Variants in MAMDC2 observed in about 807,000 individuals in gnomAD.
MAMDC2 encodes the protein MAM domain-containing protein 2.
A neutral mutation model predicts 89.8 loss-of-function variants in MAMDC2; 57 were observed. The ratio of observed to expected loss-of-function variants is 0.63; its 90% confidence interval spans 0.51 to 0.79. The LOEUF (loss-of-function observed/expected upper bound fraction) is 0.79, where lower values mean the gene tolerates loss of function less well. Ranked by LOEUF, MAMDC2 falls within the 30% of genes least tolerant of loss-of-function variation. The pLI, the probability that MAMDC2 is intolerant of heterozygous loss-of-function variation, is 0.00. For missense variants in MAMDC2, 800 were observed against 820.6 expected (o/e 0.97, Z 0.31); for synonymous variants, 313 against 293.4 (o/e 1.07, Z -0.68).
intron 2 of MAMDC2, among the ~76,000 whole-genome samples, chr9:70,087,807 G>A (rs1827804145): frequency 6.6e-6 from 1 of 152,110 alleles, no homozygotes; most frequent in Admixed American, 6.5e-5. Flanking sequence ...CCCTTAGTTG[G>A]TTTCTGAGTT....
chr9:70,069,237 T>C (rs1244940424), intron 2 of MAMDC2, among the ~76,000 whole-genome samples: 3 of 152,240 alleles, frequency 2.0e-5, no homozygotes, highest in African/African-American at 7.2e-5. Flanking sequence ...ATTCTTGTTG[T>C]TCCTGTTTTG....
chr9:70,106,776 G>C (rs3015207), intron 2 of MAMDC2, among the ~76,000 whole-genome samples: 27,633 of 152,114 alleles, frequency 0.18, 3,493 homozygotes, highest in African/African-American at 0.36. Flanking sequence ...AGATTGCCAG[G>C]AAGAGTTAGA....
At position 70,109,696 on chromosome 9, in the gene MAMDC2, C is replaced by T. The variant is rs72710490; in HGVS notation, c.421-24C>T. On this transcript the variant is annotated intron_variant, in intron 3 of 13. Coordinates refer to ENST00000377182, the MANE Select transcript of MAMDC2 (RefSeq NM_153267.5). ...ACATGATGTTTTGAAGTCTAACTCC[C>T]CTTCTTCCCCATATGTTGTGCAGAT... 4,391 of 1,572,824 alleles carry T rather than the reference C, an allele frequency of 2.8e-3. 10 individuals are homozygous for T. Among genetic ancestry groups the T allele is most frequent in the Middle Eastern group, 6.9e-3 (41 of 5,970 alleles).
intron 2 of MAMDC2, among the ~76,000 whole-genome samples, chr9:70,050,338 C>T (rs749395586): frequency 3.9e-5 from 6 of 152,192 alleles, no homozygotes; most frequent in East Asian, 1.9e-4. Flanking sequence ...TGTTTTCCTA[C>T]GTGCTCCTGG....
At chr9:70,180,656 A>T (rs781465317) in intron 11 of MAMDC2, among the ~76,000 whole-genome samples, 10 of 152,178 alleles carry the variant, frequency 6.6e-5, no homozygotes, top group Non-Finnish European at 1.3e-4. Context: ...CTGCATAAAC[A>T]TCTTCTTTTG....
chr9:70,059,717 GT>G (rs1274151792), intron 2 of MAMDC2, among the ~76,000 whole-genome samples: 1 of 152,080 alleles, frequency 6.6e-6, no homozygotes, highest in African/African-American at 2.4e-5. Flanking sequence ...TTTCTTCATC[GT>G]TTTTTCCAGA....
intron 9 of MAMDC2, among the ~76,000 whole-genome samples, chr9:70,165,212 G>C (rs752301277): frequency 6.6e-6 from 1 of 152,138 alleles, no homozygotes; most frequent in African/African-American, 2.4e-5. Flanking sequence ...AACAGGACAA[G>C]ATGTTTGACT....
At position 70,093,116 on chromosome 9, in the gene MAMDC2, A is replaced by G. The variant is rs183753190; in HGVS notation, c.149-15095A>G. On this transcript the variant is annotated intron_variant, in intron 2 of 13. Transcript: ENST00000377182. ...ATATATTTATTTATGTATCTGTACTATAGTGAAATTTTCATAGGAACTCCT... is the reference window on the plus strand; with the variant it reads ...ATATATTTATTTATGTATCTGTACTGTAGTGAAATTTTCATAGGAACTCCT... Among the ~76,000 whole-genome samples the G allele has an allele frequency of 2.0e-5, 3 of 152,290 alleles. No individual in the cohort carries two copies. In the East Asian group the frequency reaches 5.8e-4, roughly 29 times the overall value.
At chr9:70,106,664 G>A (rs1828350336) in intron 2 of MAMDC2, among the ~76,000 whole-genome samples, 1 of 152,218 alleles carries the variant, frequency 6.6e-6, no homozygotes, top group African/African-American at 2.4e-5. Flanking sequence ...GTATGATGGT[G>A]TCAGCAATTG....
intron 9 of MAMDC2, among the ~76,000 whole-genome samples, chr9:70,151,616 G>A (rs1383744158): frequency 6.6e-6 from 1 of 152,136 alleles, no homozygotes; most frequent in Non-Finnish European, 1.5e-5. Context: ...TTTAGTGCAG[G>A]GTATCTTTGG....
At chr9:70,101,021 A>G (rs1424073517) in intron 2 of MAMDC2, among the ~76,000 whole-genome samples, 1 of 152,244 alleles carries the variant, frequency 6.6e-6, no homozygotes, top group Non-Finnish European at 1.5e-5. Context: ...ATGGGCATAT[A>G]TGATGGTAGT....
At chr9:70,046,856 C>G (rs1826765964) in intron 2 of MAMDC2, among the ~76,000 whole-genome samples, 1 of 152,178 alleles carries the variant, frequency 6.6e-6, no homozygotes, top group Non-Finnish European at 1.5e-5. Flanking sequence ...AGGTTAGGCT[C>G]CAGTTGTTCC....
At position 70,168,721 on chromosome 9, in the gene MAMDC2, G is replaced by A. The variant is rs780566260; in HGVS notation, c.1424G>A (p.Cys475Tyr). ...TTTCAGGTGGTTTTCATGAGCCTAT[G>A]CAAAAGTTTCTGGGACTGTGGGCTT... ...MPTKVVFMSL[C>Y]KSFWDCGLVA... Residue 475 changes from cysteine (C) to tyrosine (Y), a missense_variant, in exon 10 of 14, where the codon TGC becomes TAC. Physicochemically the swap from Cys to Tyr is radical, Grantham distance 194 (BLOSUM62 -2). Transcript: ENST00000377182. 1.2e-6 allele frequency: 2 copies of A among 1,613,914 alleles called. No homozygotes were observed. The highest frequency in any genetic ancestry group is 1.7e-6 in the Non-Finnish European group (2 of 1,179,892).
At chr9:70,154,527 ATTTTT>A (rs10710715) in intron 9 of MAMDC2, among the ~76,000 whole-genome samples, 3 of 135,854 alleles carry the variant, frequency 2.2e-5, no homozygotes, top group Admixed American at 7.5e-5. Flanking sequence ...ATTTGGAACA[ATTTTT>A]TTTTTTTTTT....
intron 2 of MAMDC2, among the ~76,000 whole-genome samples, chr9:70,048,874 A>T (rs553460088): frequency 2.0e-5 from 3 of 152,266 alleles, no homozygotes; most frequent in East Asian, 3.9e-4. Context: ...ATTTTTGGAC[A>T]TTGTGGCTTA....
chr9:70,129,567 A>G (rs577163383), intron 6 of MAMDC2, among the ~76,000 whole-genome samples: 1 of 152,342 alleles, frequency 6.6e-6, no homozygotes, highest in East Asian at 1.9e-4. Flanking sequence ...TCTATTCAGA[A>G]GAAGCTGCAA....
At chr9:70,100,645 G>T (rs1828163894) in intron 2 of MAMDC2, among the ~76,000 whole-genome samples, 1 of 152,188 alleles carries the variant, frequency 6.6e-6, no homozygotes, top group South Asian at 2.1e-4. Flanking sequence ...ATGATGATTA[G>T]CCTTGGGTAA....
At chr9:70,055,314 G>A (rs1177988662) in intron 2 of MAMDC2, among the ~76,000 whole-genome samples, 1 of 152,116 alleles carries the variant, frequency 6.6e-6, no homozygotes, top group African/African-American at 2.4e-5. Flanking sequence ...TCTTGAAGGT[G>A]GTTATTATCA....
intron 11 of MAMDC2, among the ~76,000 whole-genome samples, chr9:70,180,637 G>A (rs1319639561): frequency 6.6e-6 from 1 of 152,034 alleles, no homozygotes; most frequent in Non-Finnish European, 1.5e-5. Context: ...TTTTTTTCAT[G>A]TTTGTTGGCT....
Sources: gnomAD v4.1 joint callset for allele counts (sites outside exome capture counted in the v4.1 genomes callset) on GRCh38, gnomAD v4.1.1 for gene constraint, MANE v1.5 for transcripts, NCBI Gene and HGNC (gene_info 2026-07-23, HGNC 2026-07-21) for gene names.